The following STRN3 variants were observed in gnomAD, a reference collection of about 807,000 sequenced individuals.
The protein encoded by STRN3 is striatin-3.
A neutral mutation model predicts 95.6 loss-of-function variants in STRN3; 29 were observed. That is an observed-to-expected ratio of 0.30 (90% CI 0.23 to 0.41). STRN3 has a LOEUF of 0.41. STRN3 is among the 10% of genes least tolerant of loss of function. STRN3 has a pLI of 1.00. For missense variants in STRN3, 890 were observed against 972.1 expected (o/e 0.92, Z 1.12); for synonymous variants, 331 against 357.6 (o/e 0.93, Z 0.84).
chr14:30,936,773 G>C, intron 5 of STRN3, 149 bp from the exon 6 acceptor site: 1 of 996,056 alleles, frequency 1.0e-6, no homozygotes, highest in South Asian at 2.1e-5. Context: ...AAAGAAGTTT[G>C]AAAGATTTAT....
intron 5 of STRN3, among the ~76,000 whole-genome samples, chr14:30,944,489 T>C (rs1018861338): frequency 1.3e-5 from 2 of 148,510 alleles, no homozygotes; most frequent in Non-Finnish European, 3.0e-5. Flanking sequence ...ACATAATATA[T>C]ACACATATAT....
At chr14:30,967,673 C>A (rs1194493414) in intron 1 of STRN3, among the ~76,000 whole-genome samples, 2 of 152,174 alleles carry the variant, frequency 1.3e-5, no homozygotes, top group East Asian at 1.9e-4. Flanking sequence ...AGAGGAAACC[C>A]CATTGTGAGC....
In STRN3 at chr14:30,902,611, C is replaced by G; in HGVS notation, c.2062G>C (p.Val688Leu). The G allele has an allele frequency of 6.2e-7, 1 of 1,606,472 alleles. No individual in the cohort carries two copies. Among genetic ancestry groups the G allele is most frequent in the South Asian group, 1.1e-5 (1 of 89,398 alleles). The change falls in exon 16 of 18, where the codon GTA becomes CTA. Residue 688 changes from valine (V) to leucine (L), a missense_variant. Val to Leu is a conservative substitution (Grantham distance 32, BLOSUM62 1). This residue lies in a region of STRN3 where 357 missense variants were observed against 422.8 expected (regional missense o/e 0.84). Transcript: ENST00000357479. ...LQSNNHINRV[V>L]SHPTLPVTIT... is the part of the protein sequence containing the mutation. ...GTAACAGGAAGTGTGGGATGACTTA[C>G]TACTCTGTTGATATGATTATTAGAT...
chr14:30,907,274 CAT>C (rs1335069469), intron 13 of STRN3, among the ~76,000 whole-genome samples: 3 of 151,034 alleles, frequency 2.0e-5, no homozygotes, highest in Non-Finnish European at 3.0e-5. Flanking sequence ...TATAAAGAAA[CAT>C]ATGCTTTTTT....
intron 2 of STRN3, 56 bp downstream of exon 2, chr14:30,956,083 T>A: frequency 1.4e-6 from 2 of 1,463,104 alleles, no homozygotes; most frequent in Non-Finnish European, 1.9e-6. Flanking sequence ...TACAATGGTA[T>A]ACATGAGTAT....
At chr14:30,951,262 G>T (rs973690787) in intron 3 of STRN3, among the ~76,000 whole-genome samples, 3 of 151,838 alleles carry the variant, frequency 2.0e-5, no homozygotes, top group African/African-American at 4.8e-5. Context: ...TTGAGACAGG[G>T]TCTCATTCTG....
At chr14:30,944,483 AATATATACACAT>A (rs1879245569) in intron 5 of STRN3, among the ~76,000 whole-genome samples, 1 of 149,032 alleles carries the variant, frequency 6.7e-6, no homozygotes, top group Non-Finnish European at 1.5e-5. Context: ...ATATATACAT[AATATATACACAT>A]ATATATACAT....
intron 1 of STRN3, among the ~76,000 whole-genome samples, chr14:31,006,837 G>GC (rs796874699): frequency 3.9e-5 from 6 of 152,234 alleles, no homozygotes; most frequent in African/African-American, 1.4e-4. Flanking sequence ...GTAGCCTGGT[G>GC]CAACAGGGCA....
chr14:31,014,065 A>C (rs978753022), intron 1 of STRN3, among the ~76,000 whole-genome samples: 3 of 151,736 alleles, frequency 2.0e-5, no homozygotes, highest in Non-Finnish European at 2.9e-5. Context: ...CATTGTGTCC[A>C]GCTAATTTTT....
intron 3 of STRN3, among the ~76,000 whole-genome samples, chr14:30,952,422 G>T (rs1879691942): frequency 6.6e-6 from 1 of 151,930 alleles, no homozygotes; most frequent in South Asian, 2.1e-4. Context: ...TCTCTGGCTG[G>T]GAACAGTGGC....
rs574753882 is a variant in STRN3, at chr14:30,943,908, T to A, written c.716+3182A>T. 2.6e-5 allele frequency among the ~76,000 whole-genome samples: 4 copies of A among 152,150 alleles called. No individual in the cohort carries two copies. The East Asian group carries it at 7.8e-4, about 29-fold the overall frequency. On this transcript the variant is annotated intron_variant, in intron 5 of 17. Transcript: ENST00000357479. ...GAAATGGGGAGCTGCTGTTCGAAAGTTATTGTTTCCAGTCATACCAGATGA... is the reference window on the plus strand; with the variant it reads ...GAAATGGGGAGCTGCTGTTCGAAAGATATTGTTTCCAGTCATACCAGATGA...
chr14:30,936,277 T>C (rs1211604528), intron 6 of STRN3, among the ~76,000 whole-genome samples: 1 of 152,208 alleles, frequency 6.6e-6, no homozygotes, highest in Non-Finnish European at 1.5e-5. Flanking sequence ...GGACTAGTCC[T>C]ATAAATACAG....
intron 1 of STRN3, among the ~76,000 whole-genome samples, chr14:30,975,295 C>A (rs1330069408): frequency 1.3e-5 from 2 of 150,810 alleles, no homozygotes; most frequent in Non-Finnish European, 3.0e-5. Context: ...CTAAATGAAG[C>A]AACTCAGGAA....
intron 1 of STRN3, among the ~76,000 whole-genome samples, chr14:30,965,768 C>CAAAAAAAAAAAAAAAAAAAAAACAAAA (rs57644568): frequency 9.6e-6 from 1 of 103,788 alleles, no homozygotes; most frequent in African/African-American, 3.7e-5. Context: ...AACTCCATCT[C>CAAAAAAAAAAAAAAAAAAAAAACAAAA]AAAAAAAAAA....
intron 16 of STRN3, among the ~76,000 whole-genome samples, chr14:30,900,932 T>G (rs1217886151): frequency 1.3e-5 from 2 of 152,156 alleles, no homozygotes; most frequent in Non-Finnish European, 2.9e-5. Flanking sequence ...TCTTGATTTC[T>G]GCTAATAAAA....
chr14:30,911,045 T>C lies in STRN3; in HGVS notation c.1716A>G (p.Thr572=), dbSNP rs1447230000. ...CATTTTGATCATTTTACTTACCATA[T>C]GTATCATATGGATCTACACTGGGAC... ...MPSPSVDPYD[T]YEPNVLAGTL... The change falls in exon 13 of 18, where the codon ACA becomes ACG. Residue 572 remains threonine (T), a synonymous_variant. Coordinates refer to ENST00000357479, the MANE Select transcript of STRN3 (RefSeq NM_001083893.2). The C allele has an allele frequency of 3.7e-6, 6 of 1,602,086 alleles. No individual in the cohort carries two copies. The highest frequency in any genetic ancestry group is 3.4e-5 in the Admixed American group (2 of 58,442).
At chr14:30,919,357 A>C (rs1276178149) in intron 8 of STRN3, among the ~76,000 whole-genome samples, 1 of 148,696 alleles carries the variant, frequency 6.7e-6, no homozygotes, top group East Asian at 2.2e-4. Context: ...GTCTCTCTCT[A>C]AAGAGATATA....
At chr14:30,909,634 C>A (rs1896558296) in intron 13 of STRN3, among the ~76,000 whole-genome samples, 1 of 152,036 alleles carries the variant, frequency 6.6e-6, no homozygotes. Flanking sequence ...TGTGACACCC[C>A]ATCTGGCAAA....
At chr14:30,903,190 A>C (rs1896371237) in intron 15 of STRN3, among the ~76,000 whole-genome samples, 1 of 152,120 alleles carries the variant, frequency 6.6e-6, no homozygotes, top group Non-Finnish European at 1.5e-5. Context: ...GAAACTCCTC[A>C]ATATTAATAG....
Sources: gnomAD v4.1 joint callset for allele counts (sites outside exome capture counted in the v4.1 genomes callset) on GRCh38, gnomAD v4.1.1 for gene constraint, gnomAD v4.1.1 regional missense constraint, MANE v1.5 for transcripts, NCBI Gene and HGNC (gene_info 2026-07-23, HGNC 2026-07-21) for gene names.